The following METTL18 variants were observed in gnomAD, a reference collection of about 807,000 sequenced individuals.
METTL18 encodes the protein methyltransferase 18, RPL3 N3(tau)-histidine.
In METTL18, 15 loss-of-function variants were observed where a neutral mutation model predicts 19.6. That is an observed-to-expected ratio of 0.77 (90% CI 0.51 to 1.18). The LOEUF is 1.18. METTL18 is among the 50% of genes most tolerant of loss of function. The pLI, the probability that METTL18 is intolerant of heterozygous loss-of-function variation, is 0.00. For synonymous variants in METTL18, 131 were observed against 145.2 expected (o/e 0.90, Z 0.70); for missense variants, 392 against 418.8 (o/e 0.94, Z 0.56).
Position 169,793,595 on chromosome 1 carries a change from G to C in METTL18, c.101C>G (p.Ser34Ter). The change falls in exon 2 of 2, where the codon TCA becomes TGA. Residue 34 changes from serine to a stop codon, truncating the protein, a stop_gained. Transcript: ENST00000310392. LOFTEE classifies it low-confidence loss of function (END_TRUNC). ...TTCTCCTTTTTGACTTTCTGAGACT[G>C]ACAGCTCTTTTGAGGAATCCAGGGT... ...ALTLDSSKEL[S>*]VSESQKGEER... is the part of the protein sequence containing the mutation. The C allele has an allele frequency of 1.9e-6, 3 of 1,614,184 alleles. No homozygotes were observed. Among genetic ancestry groups the C allele is most frequent in the Non-Finnish European group, 2.5e-6 (3 of 1,180,036 alleles).
chr1:169,793,762 C>G lies in METTL18; in HGVS notation c.-67G>C, dbSNP rs955399802. 6 of 1,422,190 alleles carry G rather than the reference C, an allele frequency of 4.2e-6. No individual in the cohort carries two copies. In the African/African-American group the frequency reaches 8.6e-5, roughly 20 times the overall value. The allele number at this position is 1,422,190 out of a possible 1,614,324, so 88.1% of individuals were successfully genotyped here. ...AACTTCTGGATAGAATTTGATGATACACACAAATCTGCCTCAATTATTCAA... is the reference window on the plus strand; with the variant it reads ...AACTTCTGGATAGAATTTGATGATAGACACAAATCTGCCTCAATTATTCAA... On this transcript the variant is annotated 5_prime_UTR_variant, in exon 2 of 2. Transcript: ENST00000310392.
rs535664569 is a variant in METTL18 at position 169,793,654 on chromosome 1, T to C, written c.42A>G (p.Glu14=). The change falls in exon 2 of 2, where the codon GAA becomes GAG. Residue 14 remains glutamate (E), a synonymous_variant. Coordinates refer to ENST00000310392, the MANE Select transcript of METTL18 (RefSeq NM_033418.4). The part of the protein sequence containing the change: ...QFNFTIEDHL[E]NELTPIRDGA... ...CATCTCTAATGGGTGTTAATTCATT[T>C]TCCAGATGGTCTTCTATAGTGAAAT... The C allele has an allele frequency of 6.2e-7, 1 of 1,612,486 alleles. No individual in the cohort carries two copies. The highest frequency in any genetic ancestry group is 1.1e-5 in the South Asian group (1 of 90,686).
Position 169,794,843 on chromosome 1 carries a change from T to G in METTL18, c.-231A>C, listed in dbSNP as rs982560791. On this transcript the variant is annotated 5_prime_UTR_variant, in exon 1 of 2. Coordinates refer to ENST00000310392, the MANE Select transcript of METTL18 (RefSeq NM_033418.4). ...GGGATGCTTGCTTCCCGACGTGTCC[T>G]GGGATCGCGCTTCTGAAAAAGCTCA... 1 of 480,664 alleles carries G rather than the reference T, an allele frequency of 2.1e-6. No individual in the cohort carries two copies. Among genetic ancestry groups the G allele is most frequent in the African/African-American group, 1.9e-5 (1 of 51,380 alleles). 29.8% of individuals were successfully genotyped at this position (480,664 alleles called of 1,614,324 possible). A position where few individuals can be genotyped will look rare whatever the true frequency, so the allele number is the denominator to read the frequency against.
In METTL18 at chr1:169,793,445, C is replaced by T; in HGVS notation, c.251G>A (p.Ser84Asn). 6.2e-7 allele frequency: 1 copy of T among 1,614,232 alleles called. No individual in the cohort carries two copies. Among genetic ancestry groups the T allele is most frequent in the Non-Finnish European group, 8.5e-7 (1 of 1,180,022 alleles). The change falls in exon 2 of 2, where the codon AGT (serine) becomes AAT (asparagine). Residue 84 changes from serine to asparagine, a missense_variant. Physicochemically the swap from Ser to Asn is conservative, Grantham distance 46. Transcript: ENST00000310392. Reference sequence around the variant, plus strand: ...TCCATGTGGCTCCAAGTTCCTTGAACTGCTGGCTGCACTGAGTGGACTGTC... The same window carrying T: ...TCCATGTGGCTCCAAGTTCCTTGAATTGCTGGCTGCACTGAGTGGACTGTC... ...DTDSPLSAASSSRNLEPHGKQ... is the reference protein window; with the variant it reads ...DTDSPLSAASNSRNLEPHGKQ...
chr1:169,792,636 T>G lies in METTL18; in HGVS notation c.1060A>C (p.Ile354Leu). 1 of 1,603,300 alleles carries G rather than the reference T, an allele frequency of 6.2e-7. No individual in the cohort carries two copies. Among genetic ancestry groups the G allele is most frequent in the Non-Finnish European group, 8.5e-7 (1 of 1,177,308 alleles). Residue 354 changes from isoleucine (I) to leucine (L), a missense_variant, in exon 2 of 2, where the codon ATA becomes CTA. Transcript: ENST00000310392. The part of the protein sequence containing the change: ...RDVFKTRILK[I>L]IDEGLKRFII... Reference sequence around the variant, plus strand: ...AACCTCTTCAATCCTTCATCAATTATTTTGAGTATTCTGGTCTTAAAAACA... The same window carrying G: ...AACCTCTTCAATCCTTCATCAATTAGTTTGAGTATTCTGGTCTTAAAAACA...
Position 169,793,099 on chromosome 1 carries a change from A to G in METTL18, c.597T>C (p.Gly199=). The G allele has an allele frequency of 1.2e-6, 2 of 1,614,162 alleles. No individual in the cohort carries two copies. Among genetic ancestry groups the G allele is most frequent in the Non-Finnish European group, 8.5e-7 (1 of 1,180,034 alleles). Residue 199 remains glycine, a synonymous_variant, in exon 2 of 2, where the codon GGT becomes GGC. Transcript: ENST00000310392. The stretch of plus-strand genomic sequence containing the variant: ...CCTTGAATGCAGTTATACCTAGTAA[A>G]CCTGATCCACAACCAAGATCCAAGA... The part of the protein sequence containing the change: ...KKVLDLGCGS[G]LLGITAFKGG...
rs747599147 is a variant in METTL18, at chr1:169,793,016, G to A, written c.680C>T (p.Thr227Ile). 40 of 1,613,914 alleles carry A rather than the reference G, an allele frequency of 2.5e-5. No individual in the cohort carries two copies. Among genetic ancestry groups the A allele is most frequent in the Non-Finnish European group, 2.8e-5 (33 of 1,180,014 alleles). ...DYNSMVIDEV[T>I]LPNVVANSTL... ...GGAGTTAGCTACTACATTAGGTAAG[G>A]TTACTTCATCAATCACCATACTGTT... is the stretch of plus-strand genomic sequence containing the variant. Residue 227 changes from threonine (T) to isoleucine (I), a missense_variant, in exon 2 of 2, where the codon ACC becomes ATC. Coordinates refer to ENST00000310392, the MANE Select transcript of METTL18 (RefSeq NM_033418.4).
At chr1:169,793,985 C>T (rs12059182) in intron 1 of METTL18, 88 bp from the exon 2 acceptor site, 5,187 of 254,458 alleles carry the variant, frequency 0.02, 280 homozygotes, top group African/African-American at 0.11. Flanking sequence ...AAACAGCCAC[C>T]CCCACCCCTC....
Position 169,793,002 on chromosome 1 carries a change from C to T in METTL18, c.694G>A (p.Val232Ile). 1 of 1,614,032 alleles carries T rather than the reference C, an allele frequency of 6.2e-7. No homozygotes were observed. The highest frequency in any genetic ancestry group is 1.3e-5 in the African/African-American group (1 of 75,048). The change falls in exon 2 of 2, where the codon GTA becomes ATA. Residue 232 changes from valine to isoleucine, a missense_variant. Coordinates refer to ENST00000310392, the MANE Select transcript of METTL18 (RefSeq NM_033418.4). ...TCATCTTCCAAAGTGGAGTTAGCTA[C>T]TACATTAGGTAAGGTTACTTCATCA... Reference protein sequence around the residue: ...VIDEVTLPNVVANSTLEDEEN... With the variant: ...VIDEVTLPNVIANSTLEDEEN...
At position 169,794,905 on chromosome 1, in the gene METTL18, A is replaced by G; in HGVS notation, c.-293T>C. ...CTCCTCCGGACCTAAATCGCGCACC[A>G]GTGAGTCGAGTCCTCCAGGGGCTAG... is the stretch of plus-strand genomic sequence containing the variant. On this transcript the variant is annotated 5_prime_UTR_variant, in exon 1 of 2. Coordinates refer to ENST00000310392, the MANE Select transcript of METTL18 (RefSeq NM_033418.4). The G allele has an allele frequency of 1.7e-6, 1 of 577,010 alleles. No homozygotes were observed. Among genetic ancestry groups the G allele is most frequent in the Non-Finnish European group, 3.1e-6 (1 of 322,366 alleles). The allele number at this position is 577,010 out of a possible 1,614,324, so 35.7% of individuals were successfully genotyped here.
In METTL18 at chr1:169,792,746, C is replaced by T; in HGVS notation, c.950G>A (p.Gly317Glu). ...TGCTTTGCTGGCCAAAAGTACACGT[C>T]CATTTTTACTTAACAGTCTAAGGAA... ...QTFLRLLSKNGRVLLASKAHY... is the reference protein window; with the variant it reads ...QTFLRLLSKNERVLLASKAHY... The change falls in exon 2 of 2, where the codon GGA (glycine) becomes GAA (glutamate). Residue 317 changes from glycine (G) to glutamate (E), a missense_variant. Coordinates refer to ENST00000310392, the MANE Select transcript of METTL18 (RefSeq NM_033418.4). The T allele has an allele frequency of 1.9e-6, 3 of 1,613,836 alleles. No individual in the cohort carries two copies. The highest frequency in any genetic ancestry group is 2.5e-6 in the Non-Finnish European group (3 of 1,179,946).
rs1462916158 is a variant in METTL18, at chr1:169,793,223, A to T, written c.473T>A (p.Ile158Asn). ...SKSFSSHSDL[I>N]TGVYEGGLKI... ...TAAGCCTCCCTCATAAACACCTGTAATCAGATCAGAGTGAGAAGAAAAGCT... is the reference window on the plus strand; with the variant it reads ...TAAGCCTCCCTCATAAACACCTGTATTCAGATCAGAGTGAGAAGAAAAGCT... The change falls in exon 2 of 2, where the codon ATT becomes AAT. Residue 158 changes from isoleucine to asparagine, a missense_variant. Transcript: ENST00000310392. 1.2e-6 allele frequency: 2 copies of T among 1,614,212 alleles called. No homozygotes were observed. The highest frequency in any genetic ancestry group is 1.7e-6 in the Non-Finnish European group (2 of 1,180,044).
chr1:169,793,518 A>G lies in METTL18; in HGVS notation c.178T>C (p.Leu60=), dbSNP rs764633634. 9.3e-6 allele frequency: 15 copies of G among 1,614,082 alleles called. No homozygotes were observed. The highest frequency in any genetic ancestry group is 5.0e-5 in the Admixed American group (3 of 60,000). The change falls in exon 2 of 2, where the codon TTG becomes CTG. Residue 60 remains leucine (L), a synonymous_variant. Transcript: ENST00000310392. The part of the protein sequence containing the change: ...AEQFDLPQDH[L]WEHKSMENAA... ...TTTTCCATTGACTTATGTTCCCACA[A>G]GTGATCCTGAGGCAAGTCAAATTGT...
In METTL18 at chr1:169,793,755, G is replaced by T; in HGVS notation, c.-60C>A. ...ATTCTTCAACTTCTGGATAGAATTT[G>T]ATGATACACACAAATCTGCCTCAAT... On this transcript the variant is annotated 5_prime_UTR_variant, in exon 2 of 2. Transcript: ENST00000310392. 1 of 1,461,812 alleles carries T rather than the reference G, an allele frequency of 6.8e-7. No individual in the cohort carries two copies. The highest frequency in any genetic ancestry group is 9.2e-7 in the Non-Finnish European group (1 of 1,086,800). 90.6% of individuals were successfully genotyped at this position (1,461,812 alleles called of 1,614,324 possible).
Position 169,793,648 on chromosome 1 carries a change from T to C in METTL18, c.48A>G (p.Glu16=). ...AAGCTCCATCTCTAATGGGTGTTAA[T>C]TCATTTTCCAGATGGTCTTCTATAG... ...NFTIEDHLEN[E]LTPIRDGALT... Residue 16 remains glutamate (E), a synonymous_variant, in exon 2 of 2, where the codon GAA becomes GAG. Coordinates refer to ENST00000310392, the MANE Select transcript of METTL18 (RefSeq NM_033418.4). 2 of 1,613,052 alleles carry C rather than the reference T, an allele frequency of 1.2e-6. No individual in the cohort carries two copies. Among genetic ancestry groups the C allele is most frequent in the Non-Finnish European group, 1.7e-6 (2 of 1,179,678 alleles).
chr1:169,793,038 T>G lies in METTL18; in HGVS notation c.658A>C (p.Ser220Arg), dbSNP rs1283991058. ...AAGGTTACTTCATCAATCACCATAC[T>G]GTTATAATCTTGAAAGTGAATTTCT... ...SKEIHFQDYN[S>R]MVIDEVTLPN... The change falls in exon 2 of 2, where the codon AGT (serine) becomes CGT (arginine). Residue 220 changes from serine to arginine, a missense_variant. By Grantham distance (110) the Ser-to-Arg change is moderately radical (BLOSUM62 -1). Coordinates refer to ENST00000310392, the MANE Select transcript of METTL18 (RefSeq NM_033418.4). The G allele has an allele frequency of 5.0e-6, 8 of 1,614,076 alleles. No individual in the cohort carries two copies. The highest frequency in any genetic ancestry group is 6.8e-6 in the Non-Finnish European group (8 of 1,180,030).
Position 169,794,835 on chromosome 1 carries a change from A to C in METTL18, c.-223T>G, listed in dbSNP as rs1650395821. 2 of 458,036 alleles carry C rather than the reference A, an allele frequency of 4.4e-6. No individual in the cohort carries two copies. The highest frequency in any genetic ancestry group is 2.6e-5 in the South Asian group (1 of 38,456). 28.4% of individuals were successfully genotyped at this position (458,036 alleles called of 1,614,324 possible). A position where few individuals can be genotyped will look rare whatever the true frequency, so the allele number is the denominator to read the frequency against. On this transcript the variant is annotated 5_prime_UTR_variant, in exon 1 of 2. Coordinates refer to ENST00000310392, the MANE Select transcript of METTL18 (RefSeq NM_033418.4). ...CAGACCTGGGGATGCTTGCTTCCCG[A>C]CGTGTCCTGGGATCGCGCTTCTGAA...
chr1:169,793,964 A>C (rs928794576), intron 1 of METTL18, 67 bp from the exon 2 acceptor site: 9 of 316,508 alleles, frequency 2.8e-5, no homozygotes, highest in African/African-American at 1.7e-4. Flanking sequence ...ATTTCACTAA[A>C]GTGTAATATT....
At position 169,793,781 on chromosome 1, in the gene METTL18, T is replaced by G. The variant is rs1650269110; in HGVS notation, c.-86A>C. ...ATGATACACACAAATCTGCCTCAAT[T>G]ATTCAATTAGTTTTGTTGGGCCCAA... On this transcript the variant is annotated 5_prime_UTR_variant, in exon 2 of 2. Coordinates refer to ENST00000310392, the MANE Select transcript of METTL18 (RefSeq NM_033418.4). 6 of 1,300,806 alleles carry G rather than the reference T, an allele frequency of 4.6e-6. No individual in the cohort carries two copies. The highest frequency in any genetic ancestry group is 4.2e-6 in the Non-Finnish European group (4 of 954,916). 80.6% of individuals were successfully genotyped at this position (1,300,806 alleles called of 1,614,324 possible).
Sources: allele counts gnomAD v4.1 joint callset, GRCh38; gene constraint gnomAD v4.1.1; transcripts MANE v1.5; gene names NCBI Gene and HGNC (gene_info 2026-07-23, HGNC 2026-07-21).